The following DEAF1 variants were observed in gnomAD, a reference collection of about 807,000 sequenced individuals.
DEAF1 encodes deformed epidermal autoregulatory factor 1 homolog.
Under a neutral mutation model 58.9 loss-of-function variants are expected in DEAF1, and 53 were observed. That is an observed-to-expected ratio of 0.90 (90% CI 0.72 to 1.13). The LOEUF (loss-of-function observed/expected upper bound fraction) is 1.13, where lower values mean the gene tolerates loss of function less well. DEAF1 is among the 50% of genes most tolerant of loss of function. DEAF1 has a pLI of 0.00. For synonymous variants in DEAF1, 385 were observed against 340.4 expected (o/e 1.13, Z -1.44); for missense variants, 685 against 791.4 (o/e 0.87, Z 1.61).
rs561380311 is a variant in DEAF1 at position 676,416 on chromosome 11, T to C, written c.1256-1633A>G. 1.3e-3 allele frequency among the ~76,000 whole-genome samples: 188 copies of C among 147,144 alleles called. 2 individuals carry two copies. Among genetic ancestry groups the C allele is most frequent in the African/African-American group, 4.5e-3 (179 of 39,708 alleles). ...CACAGGCAGGAGGATGTCCCATCCC[T>C]TCCTGCTCCACCCACCCAGCTCCAT... On this transcript the variant is annotated intron_variant, in intron 9 of 11. Coordinates refer to ENST00000382409, the MANE Select transcript of DEAF1 (RefSeq NM_021008.4).
chr11:660,514 T>C (rs7478886), intron 10 of DEAF1, among the ~76,000 whole-genome samples: 49,786 of 152,110 alleles, frequency 0.33, 10,626 homozygotes, highest in African/African-American at 0.61. Context: ...ACAACACCCC[T>C]GGCTCCCTCG....
chr11:654,165 CTTT>C (rs369963488), intron 10 of DEAF1, 114 bp from the exon 11 acceptor site: 3,111 of 403,386 alleles, frequency 7.7e-3, no homozygotes, highest in Middle Eastern at 0.017. Context: ...ATTGGACCCC[CTTT>C]TTTTTTTTTT....
At chr11:650,470 G>A (rs1418408592) in intron 11 of DEAF1, among the ~76,000 whole-genome samples, 4 of 149,890 alleles carry the variant, frequency 2.7e-5, no homozygotes, top group Non-Finnish European at 5.9e-5. Context: ...ATGCTTAAGA[G>A]CCAAGGACAC....
intron 1 of DEAF1, chr11:704,434 G>A: frequency 1.6e-6 from 2 of 1,288,362 alleles, no homozygotes; most frequent in Non-Finnish European, 1.0e-6. Context: ...CCTGTCTGTG[G>A]CCCCCAGTGG....
At chr11:690,837 C>T (rs972426245) in intron 2 of DEAF1, among the ~76,000 whole-genome samples, 6 of 152,204 alleles carry the variant, frequency 3.9e-5, no homozygotes, top group Non-Finnish European at 7.3e-5. Context: ...CTACAAGTAA[C>T]AGGTGCCAAT....
chr11:648,086 G>A (rs186756986), intron 11 of DEAF1, among the ~76,000 whole-genome samples: 158 of 151,110 alleles, frequency 1.0e-3, no homozygotes, highest in African/African-American at 3.6e-3. Flanking sequence ...TGACCCAGGC[G>A]GTGCTGGGAG....
upstream of DEAF1, among the ~76,000 whole-genome samples, chr11:698,632 G>C (rs1861306091): frequency 1.3e-5 from 2 of 152,146 alleles, no homozygotes; most frequent in South Asian, 4.1e-4. Context: ...GGTGCCCCCG[G>C]TACTCGCTGT....
At chr11:671,163 C>T (rs572148698) in intron 10 of DEAF1, among the ~76,000 whole-genome samples, 5 of 151,324 alleles carry the variant, frequency 3.3e-5, no homozygotes, top group Non-Finnish European at 5.9e-5. Context: ...CTCCTGACCT[C>T]GTGATCCGCC....
rs933908794 is a variant in DEAF1 at position 672,332 on chromosome 11, C to A, written c.1503+2204G>T. ...ACGACCTGGGTTGAGAATCACCGTT[C>A]ATTATGTGCTTGTCTAGTAGAATCC... On this transcript the variant is annotated intron_variant, in intron 10 of 11. Transcript: ENST00000382409. Among the ~76,000 whole-genome samples, 17 of 151,574 alleles carry A rather than the reference C, an allele frequency of 1.1e-4. 1 individual carries two copies. The highest frequency in any genetic ancestry group is 6.6e-4 in the Admixed American group (10 of 15,192).
chr11:645,323 T>G (rs767434196), intron 11 of DEAF1, among the ~76,000 whole-genome samples: 4 of 152,150 alleles, frequency 2.6e-5, no homozygotes, highest in African/African-American at 7.2e-5. Context: ...TGGGGGTTTT[T>G]TTGTTGTTTT....
At chr11:659,525 T>C (rs1192530692) in intron 10 of DEAF1, among the ~76,000 whole-genome samples, 3 of 152,168 alleles carry the variant, frequency 2.0e-5, no homozygotes, top group Admixed American at 2.0e-4. Flanking sequence ...TCTTAGAGGA[T>C]GTAATGCTGC....
chr11:702,283 G>A (rs1417290055), intron 1 of DEAF1, among the ~76,000 whole-genome samples: 1 of 152,242 alleles, frequency 6.6e-6, no homozygotes, highest in Non-Finnish European at 1.5e-5. Context: ...TGCCCCCCAG[G>A]GCGGGCACTG....
Position 647,919 on chromosome 11 carries a change from G to C in DEAF1, c.1594-3265C>G, listed in dbSNP as rs1195272585. Among the ~76,000 whole-genome samples, 12 of 3,758 alleles carry C rather than the reference G, an allele frequency of 3.2e-3. 1 individual carries two copies. Among genetic ancestry groups the C allele is most frequent in the East Asian group, 0.013 (3 of 238 alleles). The allele number at this position is 3,758 out of a possible 152,430, so 2.5% of individuals were successfully genotyped here. ...GTGGACTTGACCCAGGCGGTGCTGG[G>C]AGCAGGTGGGTGGACTTGACCCAGG... On this transcript the variant is annotated intron_variant, in intron 11 of 11. Coordinates refer to ENST00000382409, the MANE Select transcript of DEAF1 (RefSeq NM_021008.4).
chr11:694,653 A>C, intron 1 of DEAF1, 106 bp downstream of exon 1: 2 of 1,070,138 alleles, frequency 1.9e-6, no homozygotes, highest in African/African-American at 3.5e-5. Context: ...AGCAGGTGTG[A>C]GGGACAGGTG....
chr11:673,925 G>A, intron 10 of DEAF1: 1 of 161,684 alleles, frequency 6.2e-6, no homozygotes, highest in Non-Finnish European at 1.4e-5. Flanking sequence ...CTAAGTAAAG[G>A]GTTCATATGA....
chr11:662,922 C>T lies in DEAF1; in HGVS notation c.1504-8871G>A, dbSNP rs116623001. Among the ~76,000 whole-genome samples the T allele has an allele frequency of 6.8e-3, 1,042 of 152,294 alleles. 10 individuals carry two copies. Among genetic ancestry groups the T allele is most frequent in the African/African-American group, 0.024 (1,001 of 41,556 alleles). ...CATGAATATCCTCCAGCCAACTGAC[C>T]CTGCCGCACCCCCAGAGGGCACGAT... On this transcript the variant is annotated intron_variant, in intron 10 of 11. Transcript: ENST00000382409.
At position 644,828 on chromosome 11, in the gene DEAF1, A is replaced by T. The variant is rs564066803; in HGVS notation, c.1594-174T>A. Among the ~76,000 whole-genome samples, 4 of 152,150 alleles carry T rather than the reference A, an allele frequency of 2.6e-5. No individual in the cohort carries two copies. In the South Asian group the frequency reaches 8.3e-4, roughly 32 times the overall value. On this transcript the variant is annotated intron_variant, in intron 11 of 11. Transcript: ENST00000382409. The surrounding 1 kb of genome is among the most constrained non-coding windows in gnomAD (Gnocchi z 4.3). ...ACTCTGGTGGGCTCTGCTCCAATAC[A>T]GCCTTCCCCACACTCTCTTGGTTTG...
At chr11:684,192 C>T (rs979838894) in intron 6 of DEAF1, among the ~76,000 whole-genome samples, 2 of 146,760 alleles carry the variant, frequency 1.4e-5, no homozygotes, top group South Asian at 4.2e-4. Flanking sequence ...CTGAGGCGGG[C>T]GGATCACATG....
intron 11 of DEAF1, among the ~76,000 whole-genome samples, chr11:645,160 CA>C (rs80108345): frequency 9.7e-4 from 98 of 101,030 alleles, no homozygotes; most frequent in Admixed American, 1.2e-3. Flanking sequence ...AACTCCATAT[CA>C]AAAAAAAAAA....
Sources: allele counts gnomAD v4.1 joint callset (sites outside exome capture counted in the v4.1 genomes callset), GRCh38; gene constraint gnomAD v4.1.1; non-coding constraint Gnocchi (gnomAD v3.1); transcripts MANE v1.5; gene names NCBI Gene and HGNC (gene_info 2026-07-23, HGNC 2026-07-21).